Variants in ARHGAP28 observed in about 807,000 individuals in gnomAD.
ARHGAP28 encodes rho GTPase-activating protein 28.
Under a neutral mutation model 90.7 loss-of-function variants are expected in ARHGAP28, and 56 were observed. That is an observed-to-expected ratio of 0.62 (90% CI 0.50 to 0.77). The LOEUF (loss-of-function observed/expected upper bound fraction) is 0.77. ARHGAP28 is among the 30% of genes least tolerant of loss of function. ARHGAP28 has a pLI of 0.00. For missense variants in ARHGAP28, 869 were observed against 900.9 expected (o/e 0.96, Z 0.45); for synonymous variants, 308 against 323.3 (o/e 0.95, Z 0.51).
At chr18:6,850,549 A>C (rs959207137) in intron 3 of ARHGAP28, among the ~76,000 whole-genome samples, 1 of 152,236 alleles carries the variant, frequency 6.6e-6, no homozygotes, top group Admixed American at 6.5e-5. Context: ...GCCAATTGTT[A>C]ATACCTACAG....
At chr18:6,898,698 C>A in intron 16 of ARHGAP28, 1 of 1,404,226 alleles carries the variant, frequency 7.1e-7, no homozygotes, top group Non-Finnish European at 9.3e-7. Context: ...GAAAATGTTT[C>A]TAATAAAAAT....
chr18:6,784,230 T>C (rs1216096249), intron 1 of ARHGAP28, among the ~76,000 whole-genome samples: 1 of 152,068 alleles, frequency 6.6e-6, no homozygotes, highest in Non-Finnish European at 1.5e-5. Context: ...CCCAGCGGTA[T>C]TTGTAACCCC....
intron 1 of ARHGAP28, among the ~76,000 whole-genome samples, chr18:6,818,749 G>C (rs542312804): frequency 6.6e-6 from 1 of 152,310 alleles, no homozygotes; most frequent in Admixed American, 6.5e-5. Flanking sequence ...AGCAGAAAGA[G>C]TAAATTTCCT....
intron 9 of ARHGAP28, among the ~76,000 whole-genome samples, chr18:6,875,919 T>C (rs2057127546): frequency 6.6e-6 from 1 of 152,228 alleles, no homozygotes; most frequent in South Asian, 2.1e-4. Flanking sequence ...GGGAAAGTTG[T>C]ATAACTGCTA....
rs186070857 is a variant in ARHGAP28 at position 6,906,518 on chromosome 18, C to A, written c.2031-2442C>A. Reference sequence around the variant, plus strand: ...ACTGATTTTGAGAAAACTACAAAAGCAATTTGATGGAGGAAGCCTTTTCAG... The same window carrying A: ...ACTGATTTTGAGAAAACTACAAAAGAAATTTGATGGAGGAAGCCTTTTCAG... On this transcript the variant is annotated intron_variant, in intron 16 of 17. Transcript: ENST00000383472. Among the ~76,000 whole-genome samples, 19 of 152,222 alleles carry A rather than the reference C, an allele frequency of 1.2e-4. No individual in the cohort carries two copies. The East Asian group carries it at 3.5e-3, about 28-fold the overall frequency.
intron 1 of ARHGAP28, among the ~76,000 whole-genome samples, chr18:6,821,136 T>C (rs2056624149): frequency 6.6e-6 from 1 of 152,188 alleles, no homozygotes; most frequent in Non-Finnish European, 1.5e-5. Context: ...TTCTGTAAGA[T>C]ATTTACACTG....
intron 17 of ARHGAP28, among the ~76,000 whole-genome samples, chr18:6,911,531 G>A (rs1457081039): frequency 1.3e-5 from 2 of 151,950 alleles, no homozygotes; most frequent in African/African-American, 4.8e-5. Context: ...AGCCTCCCAG[G>A]TTCAAGTGAT....
chr18:6,801,120 A>C lies in ARHGAP28; in HGVS notation c.123-23642A>C, dbSNP rs75686527. Among the ~76,000 whole-genome samples the C allele has an allele frequency of 8.4e-3, 1,281 of 152,274 alleles. 9 individuals carry two copies. Among genetic ancestry groups the C allele is most frequent in the Admixed American group, 0.015 (237 of 15,296 alleles). ...TTTTGTGTTTTCCTCTAGAAGTTTT[A>C]AAAGGTTTTAGATTTTACGTTTAGG... On this transcript the variant is annotated intron_variant, in intron 1 of 17. Transcript: ENST00000383472.
intron 1 of ARHGAP28, among the ~76,000 whole-genome samples, chr18:6,815,067 G>A (rs1440039962): frequency 6.6e-6 from 1 of 152,078 alleles, no homozygotes; most frequent in Non-Finnish European, 1.5e-5. Context: ...TTATCTTTGG[G>A]GATAATGTGT....
chr18:6,773,154 T>C (rs1039415123), intron 1 of ARHGAP28, among the ~76,000 whole-genome samples: 5 of 152,234 alleles, frequency 3.3e-5, no homozygotes, highest in African/African-American at 1.2e-4. Flanking sequence ...TATCCATTTA[T>C]TCATTTAGCA....
intron 1 of ARHGAP28, among the ~76,000 whole-genome samples, chr18:6,796,690 G>A (rs1720928453): frequency 6.6e-6 from 1 of 152,000 alleles, no homozygotes; most frequent in Non-Finnish European, 1.5e-5. Flanking sequence ...CATCCTATGG[G>A]TCTTATAAAT....
At chr18:6,888,083 C>G (rs1314430700) in intron 12 of ARHGAP28, among the ~76,000 whole-genome samples, 3 of 152,122 alleles carry the variant, frequency 2.0e-5, no homozygotes, top group African/African-American at 7.2e-5. Context: ...TAGAGATCAT[C>G]TGATAGAATT....
intron 1 of ARHGAP28, among the ~76,000 whole-genome samples, chr18:6,735,127 G>T (rs531998029): frequency 2.1e-4 from 32 of 152,170 alleles, no homozygotes; most frequent in Non-Finnish European, 4.0e-4. Context: ...GATGAAGATG[G>T]TGACTAAAAA....
chr18:6,760,074 G>T (rs1041769925), intron 1 of ARHGAP28, among the ~76,000 whole-genome samples: 4 of 152,104 alleles, frequency 2.6e-5, no homozygotes, highest in African/African-American at 9.7e-5. Flanking sequence ...CTCTGTCATG[G>T]AATTATATCC....
intron 16 of ARHGAP28, chr18:6,898,596 A>G: frequency 6.3e-7 from 1 of 1,596,746 alleles, no homozygotes; most frequent in Non-Finnish European, 8.5e-7. Context: ...GAGACTTGAA[A>G]TATCATTCAA....
At chr18:6,877,722 T>A (rs2057142924) in intron 10 of ARHGAP28, among the ~76,000 whole-genome samples, 1 of 152,208 alleles carries the variant, frequency 6.6e-6, no homozygotes, top group Admixed American at 6.5e-5. Context: ...TGCATCTGCT[T>A]TCTGTCTCCG....
chr18:6,849,290 G>A (rs1171353942), intron 3 of ARHGAP28, among the ~76,000 whole-genome samples: 1 of 149,778 alleles, frequency 6.7e-6, no homozygotes, highest in Non-Finnish European at 1.5e-5. Context: ...ACCGGGGTAA[G>A]CGTGGTGCCA....
At chr18:6,844,946 G>A (rs1185633772) in intron 3 of ARHGAP28, among the ~76,000 whole-genome samples, 1 of 152,226 alleles carries the variant, frequency 6.6e-6, no homozygotes, top group Admixed American at 6.5e-5. Flanking sequence ...GCAGCCAGAA[G>A]TCAAAGTGTG....
intron 1 of ARHGAP28, among the ~76,000 whole-genome samples, chr18:6,775,553 G>C (rs1203453593): frequency 2.6e-5 from 4 of 152,150 alleles, no homozygotes. Context: ...GATTTCAGGT[G>C]GTGTAAGCAA....
Sources: gnomAD v4.1 joint callset for allele counts (sites outside exome capture counted in the v4.1 genomes callset) on GRCh38, gnomAD v4.1.1 for gene constraint, MANE v1.5 for transcripts, NCBI Gene and HGNC (gene_info 2026-07-23, HGNC 2026-07-21) for gene names.